The following SHISA6 variants were observed in gnomAD, a reference collection of about 807,000 sequenced individuals.
The protein encoded by SHISA6 is protein shisa-6.
A neutral mutation model predicts 47.9 loss-of-function variants in SHISA6; 22 were observed. That is an observed-to-expected ratio of 0.46 (90% CI 0.33 to 0.66). SHISA6 has a LOEUF of 0.66. Ranked by LOEUF, SHISA6 falls within the 30% of genes least tolerant of loss-of-function variation. The pLI is 0.02. For missense variants in SHISA6, 680 were observed against 764.6 expected (o/e 0.89, Z 1.30); for synonymous variants, 388 against 337.8 (o/e 1.15, Z -1.63).
intron 2 of SHISA6, among the ~76,000 whole-genome samples, chr17:11,315,847 AG>A (rs1486284510): frequency 6.6e-6 from 1 of 152,196 alleles, no homozygotes; most frequent in Non-Finnish European, 1.5e-5. Context: ...AGCCAAACAT[AG>A]AGTTCTGAGA....
intron 3 of SHISA6, among the ~76,000 whole-genome samples, chr17:11,452,971 C>A (rs778809774): frequency 2.1e-4 from 31 of 150,480 alleles, no homozygotes; most frequent in Non-Finnish European, 4.3e-4. Flanking sequence ...TCTTCTCCTC[C>A]TCTTCTTCCT....
chr17:11,470,203 G>A (rs2142321108), intron 3 of SHISA6, among the ~76,000 whole-genome samples: 1 of 152,288 alleles, frequency 6.6e-6, no homozygotes, highest in South Asian at 2.1e-4. Flanking sequence ...TTTATTAGAA[G>A]ACTGTAGCCG....
intron 3 of SHISA6, among the ~76,000 whole-genome samples, chr17:11,479,942 G>T (rs929771911): frequency 2.0e-5 from 3 of 151,792 alleles, no homozygotes; most frequent in African/African-American, 7.3e-5. Flanking sequence ...TATCTCTAAA[G>T]AATTTCCTTT....
In SHISA6 at chr17:11,481,417, T is replaced by C. The variant is rs182072530; in HGVS notation, c.896-70479T>C. On this transcript the variant is annotated intron_variant, in intron 3 of 5. Coordinates refer to ENST00000441885, the MANE Select transcript of SHISA6 (RefSeq NM_207386.4). ...AAACATAAGTAAATATTAGATGGCA[T>C]TTATTTGAAGTAGAAGAGACTATAT... Among the ~76,000 whole-genome samples the C allele has an allele frequency of 4.4e-4, 66 of 150,604 alleles. No individual in the cohort carries two copies. In the East Asian group the frequency reaches 0.011, roughly 26 times the overall value.
intron 2 of SHISA6, among the ~76,000 whole-genome samples, chr17:11,378,892 A>G (rs1213593711): frequency 6.6e-6 from 1 of 152,190 alleles, no homozygotes; most frequent in Non-Finnish European, 1.5e-5. Flanking sequence ...CATTAGAAAG[A>G]AAAAACAAAT....
At chr17:11,335,843 A>C (rs548457439) in intron 2 of SHISA6, among the ~76,000 whole-genome samples, 1 of 152,158 alleles carries the variant, frequency 6.6e-6, no homozygotes, top group Non-Finnish European at 1.5e-5. Flanking sequence ...TGGTTGCAAT[A>C]AAGTTTATTT....
At chr17:11,318,633 T>C (rs961872160) in intron 2 of SHISA6, among the ~76,000 whole-genome samples, 1 of 152,236 alleles carries the variant, frequency 6.6e-6, no homozygotes, top group Non-Finnish European at 1.5e-5. Context: ...CGTATGTGTT[T>C]AGGTATAATA....
intron 3 of SHISA6, among the ~76,000 whole-genome samples, chr17:11,479,721 G>A (rs888281395): frequency 6.6e-5 from 10 of 151,504 alleles, no homozygotes; most frequent in African/African-American, 2.2e-4. Context: ...TTTCACTTAT[G>A]GCTAAGCATA....
chr17:11,551,682 A>C (rs2071933045), intron 3 of SHISA6, among the ~76,000 whole-genome samples: 1 of 152,152 alleles, frequency 6.6e-6, no homozygotes. Flanking sequence ...TGGGTGGGTC[A>C]CCATGGTGAC....
At chr17:11,293,057 T>G (rs1275454018) in intron 2 of SHISA6, among the ~76,000 whole-genome samples, 1 of 152,048 alleles carries the variant, frequency 6.6e-6, no homozygotes, top group Non-Finnish European at 1.5e-5. Flanking sequence ...ACTCCCGACC[T>G]CAGGTGATCC....
At chr17:11,404,737 C>T (rs1425691324) in intron 3 of SHISA6, among the ~76,000 whole-genome samples, 4 of 152,176 alleles carry the variant, frequency 2.6e-5, no homozygotes, top group African/African-American at 7.2e-5. Context: ...TTAAACTCCG[C>T]GCCTTGACTT....
Position 11,282,787 on chromosome 17 carries a change from C to T in SHISA6, c.799+19261C>T, listed in dbSNP as rs546468111. The stretch of plus-strand genomic sequence containing the variant: ...GACAAATGAATAAGCATCTGTCCAG[C>T]CCCAACCCAGAGGGGCAGCTGCCAA... On this transcript the variant is annotated intron_variant, in intron 2 of 5. Coordinates refer to ENST00000441885, the MANE Select transcript of SHISA6 (RefSeq NM_207386.4). 2.0e-5 allele frequency among the ~76,000 whole-genome samples: 3 copies of T among 152,310 alleles called. No homozygotes were observed. In the South Asian group the frequency reaches 6.2e-4, roughly 32 times the overall value.
At position 11,457,575 on chromosome 17, in the gene SHISA6, C is replaced by CA. The variant is rs56253032; in HGVS notation, c.895+78082dup. Among the ~76,000 whole-genome samples the CA allele has an allele frequency of 8.8e-3, 1,202 of 137,344 alleles. 12 individuals are homozygous for CA. The highest frequency in any genetic ancestry group is 0.023 in the African/African-American group (879 of 38,648). 90.1% of individuals were successfully genotyped at this position (137,344 alleles called of 152,430 possible). ...TGAAACCCTGTCTCTACTAAAAATG[C>CA]AAAAAAAAAAAAAAAATTAGTTGGG... On this transcript the variant is annotated intron_variant, in intron 3 of 5. Transcript: ENST00000441885.
intron 5 of SHISA6, 34 bp downstream of exon 5, chr17:11,555,926 T>C: frequency 6.7e-7 from 1 of 1,486,886 alleles, no homozygotes; most frequent in Non-Finnish European, 9.0e-7. Flanking sequence ...GGGGTCTGTC[T>C]CTGGGGCTCC....
chr17:11,532,344 G>T (rs2142372217), intron 3 of SHISA6, among the ~76,000 whole-genome samples: 2 of 152,308 alleles, frequency 1.3e-5, no homozygotes, highest in African/African-American at 4.8e-5. Context: ...GTTAACAGTG[G>T]GTATCAGAAA....
intron 3 of SHISA6, among the ~76,000 whole-genome samples, chr17:11,388,788 GTTTATATA>G (rs1567592048): frequency 2.0e-5 from 1 of 49,078 alleles, no homozygotes; most frequent in Non-Finnish European, 3.9e-5. Context: ...TCAAACAAAA[GTTTATATA>G]TATATATATA....
chr17:11,520,257 C>A (rs570085620), intron 3 of SHISA6, among the ~76,000 whole-genome samples: 42 of 151,884 alleles, frequency 2.8e-4, no homozygotes, highest in African/African-American at 1.0e-3. Context: ...CTCACCACCA[C>A]CAACTGTGCG....
intron 3 of SHISA6, among the ~76,000 whole-genome samples, chr17:11,531,852 A>G (rs917952960): frequency 6.6e-6 from 1 of 152,226 alleles, no homozygotes; most frequent in Non-Finnish European, 1.5e-5. Flanking sequence ...TTCTCAACAC[A>G]CAGTATTGAT....
At chr17:11,421,668 C>T (rs564937755) in intron 3 of SHISA6, among the ~76,000 whole-genome samples, 7 of 152,338 alleles carry the variant, frequency 4.6e-5, no homozygotes, top group African/African-American at 1.7e-4. Context: ...CCTCAGAGGC[C>T]TTCTGTCTTC....
Sources: allele counts gnomAD v4.1 joint callset (sites outside exome capture counted in the v4.1 genomes callset), GRCh38; gene constraint gnomAD v4.1.1; transcripts MANE v1.5; gene names NCBI Gene and HGNC (gene_info 2026-07-23, HGNC 2026-07-21).